Variants in PUM1 observed in about 807,000 individuals in gnomAD.
PUM1 encodes pumilio homolog 1.
Under a neutral mutation model 131.8 loss-of-function variants are expected in PUM1, and 13 were observed. That is an observed-to-expected ratio of 0.10 (90% CI 0.06 to 0.16). The LOEUF is 0.16. PUM1 is among the 10% of genes least tolerant of loss of function. The probability of loss-of-function intolerance (pLI) is 1.00; values close to 1 mark genes in which losing one functional copy is unlikely to be tolerated. For synonymous variants in PUM1, 509 were observed against 556.5 expected, an observed-to-expected ratio of 0.91 and a Z score of 1.20; for missense variants, 961 against 1,512.4, an observed-to-expected ratio of 0.64 and a Z score of 6.05.
At chr1:30,989,004 C>T (rs940669622) in intron 7 of PUM1, among the ~76,000 whole-genome samples, 1 of 152,178 alleles carries the variant, frequency 6.6e-6, no homozygotes, top group African/African-American at 2.4e-5. Flanking sequence ...ATGCCTCAAA[C>T]TGCTGCTAAA....
intron 10 of PUM1, among the ~76,000 whole-genome samples, chr1:30,969,819 C>T (rs903681872): frequency 1.3e-5 from 2 of 152,120 alleles, no homozygotes; most frequent in African/African-American, 2.4e-5. Context: ...TGCACCACCA[C>T]ACCTGGCTAA....
intron 3 of PUM1, among the ~76,000 whole-genome samples, chr1:31,025,817 A>G (rs945333003): frequency 6.6e-6 from 1 of 151,870 alleles, no homozygotes; most frequent in African/African-American, 2.4e-5. Flanking sequence ...CGGCCTCCCA[A>G]AGTGCTGGCA....
At chr1:31,030,784 GAACT>G (rs772670587) in intron 2 of PUM1, among the ~76,000 whole-genome samples, 18 of 151,966 alleles carry the variant, frequency 1.2e-4, no homozygotes, top group Non-Finnish European at 2.2e-4. Flanking sequence ...TTAACTGTCA[GAACT>G]AACACTGCAA....
chr1:30,980,002 G>A (rs939991798), intron 9 of PUM1, 60 bp downstream of exon 9: 25 of 1,169,984 alleles, frequency 2.1e-5, no homozygotes, highest in South Asian at 1.3e-4. Context: ...AAGAATGCAC[G>A]CCCATCTCAA....
chr1:31,034,352 T>C (rs7555505), intron 2 of PUM1, among the ~76,000 whole-genome samples: 46,815 of 152,012 alleles, frequency 0.31, 7,499 homozygotes, highest in Non-Finnish European at 0.34. Context: ...AAAATTTCCA[T>C]ATTAAAACAA....
intron 2 of PUM1, among the ~76,000 whole-genome samples, chr1:31,052,741 C>G (rs1429706843): frequency 6.6e-6 from 1 of 151,508 alleles, no homozygotes; most frequent in African/African-American, 2.4e-5. Context: ...CTCTGTCGCC[C>G]AGGCTGGAGT....
chr1:30,953,710 T>A lies in PUM1; in HGVS notation c.2591+4A>T. 6.2e-7 allele frequency: 1 copy of A among 1,614,096 alleles called. No individual in the cohort carries two copies. Among genetic ancestry groups the A allele is most frequent in the Non-Finnish European group, 8.5e-7 (1 of 1,179,908 alleles). On this transcript the variant is annotated splice_donor_region_variant and intron_variant, in intron 15 of 21. Transcript: ENST00000426105. The stretch of plus-strand genomic sequence containing the variant: ...ACCTTAAAGTGCCAAAGCCAAGTAC[T>A]CACCTGGACCCATGCTGGTCTTGGG...
chr1:31,001,762 G>C (rs1030521274), intron 5 of PUM1, among the ~76,000 whole-genome samples: 23 of 151,998 alleles, frequency 1.5e-4, no homozygotes, highest in African/African-American at 5.3e-4. Flanking sequence ...TCCCCACCAA[G>C]GCTTAAAAAT....
At chr1:31,013,751 GGTGGTA>G (rs11278372) in intron 3 of PUM1, among the ~76,000 whole-genome samples, 42,626 of 151,774 alleles carry the variant, frequency 0.28, 6,378 homozygotes, top group Non-Finnish European at 0.33. Context: ...GATAATCACA[GGTGGTA>G]GTCTTACTTG....
rs1196822878 is a variant in PUM1 at position 30,931,555 on chromosome 1, G to C, written c.*1656C>G. The C allele has an allele frequency of 6.6e-6, 1 of 151,674 alleles. No individual in the cohort carries two copies. Among genetic ancestry groups the C allele is most frequent in the African/African-American group, 2.4e-5 (1 of 41,068 alleles). 9.4% of individuals were successfully genotyped at this position (151,674 alleles called of 1,614,324 possible). A position where few individuals can be genotyped will look rare whatever the true frequency, so the allele number is the denominator to read the frequency against. On this transcript the variant is annotated 3_prime_UTR_variant, in exon 22 of 22. Coordinates refer to ENST00000426105, the MANE Select transcript of PUM1 (RefSeq NM_001020658.2). ...CAAAATAAAGATCACACATTGTTTA[G>C]AGACAATCTACACAAGAGTTACAAA...
intron 7 of PUM1, among the ~76,000 whole-genome samples, chr1:30,988,583 G>A (rs1283500262): frequency 6.6e-6 from 1 of 152,210 alleles, no homozygotes; most frequent in Non-Finnish European, 1.5e-5. Flanking sequence ...AGCAGAATGT[G>A]CAGAAAAGTA....
chr1:31,059,962 T>A (rs1286339284), intron 1 of PUM1, among the ~76,000 whole-genome samples: 1 of 151,636 alleles, frequency 6.6e-6, no homozygotes, highest in Non-Finnish European at 1.5e-5. Flanking sequence ...CTCTCCTGCC[T>A]CAGCCTCCTG....
At chr1:30,941,017 A>T in intron 20 of PUM1, 134 bp downstream of exon 20, 1 of 1,069,232 alleles carries the variant, frequency 9.4e-7, no homozygotes, top group East Asian at 2.7e-5. Flanking sequence ...TTGTAATAAA[A>T]CTATTTGACT....
chr1:30,976,252 A>G (rs1641133976), intron 9 of PUM1, among the ~76,000 whole-genome samples: 1 of 152,236 alleles, frequency 6.6e-6, no homozygotes, highest in African/African-American at 2.4e-5. Context: ...TAATTATAGA[A>G]TTCTATGACG....
intron 9 of PUM1, among the ~76,000 whole-genome samples, chr1:30,979,054 T>C (rs56184280): frequency 0.016 from 2,394 of 148,902 alleles, 68 homozygotes; most frequent in African/African-American, 0.056. Flanking sequence ...CAGTGAACTG[T>C]ATTCACGCCA....
At chr1:30,998,759 A>T (rs1211801963) in intron 5 of PUM1, among the ~76,000 whole-genome samples, 1 of 152,204 alleles carries the variant, frequency 6.6e-6, no homozygotes, top group African/African-American at 2.4e-5. Context: ...TTTACAGTGA[A>T]TGCTCAGAAC....
chr1:31,037,318 A>C (rs748272262), intron 2 of PUM1: 1 of 152,316 alleles, frequency 6.6e-6, no homozygotes, highest in Non-Finnish European at 1.5e-5. Flanking sequence ...GAAACTGTCC[A>C]AGTATCGGTG....
chr1:30,984,929 CT>C (rs1372460537), intron 7 of PUM1, among the ~76,000 whole-genome samples: 1 of 152,126 alleles, frequency 6.6e-6, no homozygotes, highest in African/African-American at 2.4e-5. Context: ...CCACTCCCCC[CT>C]GGCCACCGGC....
Position 30,992,472 on chromosome 1 carries a change from TGAA to T in PUM1, c.1073_1075del (p.Leu358del). On this transcript the variant is annotated inframe_deletion, in exon 7 of 22. Coordinates refer to ENST00000426105, the MANE Select transcript of PUM1 (RefSeq NM_001020658.2). The stretch of plus-strand genomic sequence containing the variant: ...TACCTGCGTGCCTGAATAATCAAAC[TGAA>T]GAGGCTCCATGCCCACATGTTCCAT... 6.2e-7 allele frequency: 1 copy of T among 1,614,194 alleles called. No individual in the cohort carries two copies. Among genetic ancestry groups the T allele is most frequent in the Non-Finnish European group, 8.5e-7 (1 of 1,180,028 alleles).
Sources: allele counts gnomAD v4.1 joint callset (sites outside exome capture counted in the v4.1 genomes callset), GRCh38; gene constraint gnomAD v4.1.1; transcripts MANE v1.5; gene names NCBI Gene and HGNC (gene_info 2026-07-23, HGNC 2026-07-21).